Variants in DNAH17 observed in about 807,000 individuals in gnomAD.
DNAH17 encodes the protein axonemal beta dynein heavy chain 17.
Under a neutral mutation model 485.6 loss-of-function variants are expected in DNAH17, and 376 were observed. The observed-to-expected ratio is 0.77, with a 90% confidence interval of 0.71 to 0.84. The LOEUF is 0.84. Among genes scored for constraint, DNAH17 ranks in the 40% least tolerant of loss-of-function variants. The pLI, the probability that DNAH17 is intolerant of heterozygous loss-of-function variation, is 0.00. For synonymous variants in DNAH17, 3,031 were observed against 2,405.9 expected, an observed-to-expected ratio of 1.26 and a Z score of -7.60; for missense variants, 6,370 against 5,839.3, an observed-to-expected ratio of 1.09 and a Z score of -2.96.
chr17:78,475,870 T>G (rs376801005), intron 52 of DNAH17, 37 bp from the exon 53 acceptor site: 40 of 1,603,434 alleles, frequency 2.5e-5, no homozygotes, highest in Non-Finnish European at 3.3e-5. Flanking sequence ...CTTCCGGTTT[T>G]TGCCACCATG....
chr17:78,446,849 G>C (rs1413487198), intron 69 of DNAH17, among the ~76,000 whole-genome samples: 1 of 152,054 alleles, frequency 6.6e-6, no homozygotes, highest in African/African-American at 2.4e-5. Flanking sequence ...TCACCGTGTT[G>C]GCCAGGCTGG....
Position 78,484,961 on chromosome 17 carries a change from T to C in DNAH17, c.7556A>G (p.Tyr2519Cys), listed in dbSNP as rs1250959741. Residue 2519 changes from tyrosine to cysteine, a missense_variant, in exon 48 of 81, where the codon TAC becomes TGC. Physicochemically the swap from Tyr to Cys is radical, Grantham distance 194 (BLOSUM62 -2). Transcript: ENST00000389840. ...YGPPGTKKLV[Y>C]FIDDMNMPEV... Reference sequence around the variant, plus strand: ...GGGCATGTTCATGTCGTCGATGAAGTAGACGAGCTTCTTAGTGCCTGGCGG... The same window carrying C: ...GGGCATGTTCATGTCGTCGATGAAGCAGACGAGCTTCTTAGTGCCTGGCGG... The C allele has an allele frequency of 6.2e-7, 1 of 1,613,120 alleles. No homozygotes were observed. The highest frequency in any genetic ancestry group is 8.5e-7 in the Non-Finnish European group (1 of 1,179,570).
intron 22 of DNAH17, among the ~76,000 whole-genome samples, chr17:78,527,909 G>A (rs1171716836): frequency 6.6e-6 from 1 of 152,098 alleles, no homozygotes; most frequent in Non-Finnish European, 1.5e-5. Context: ...CTCCCGAGCA[G>A]CTAGGATTAC....
intron 73 of DNAH17, 142 bp from the exon 74 acceptor site, chr17:78,438,010 A>ACC: frequency 3.3e-6 from 2 of 610,946 alleles, no homozygotes; most frequent in Non-Finnish European, 2.8e-6. Context: ...GCACTGCCCC[A>ACC]CCCCTCACCT....
rs2087703538 is a variant in DNAH17 at position 78,454,528 on chromosome 17, T to G, written c.10348A>C (p.Lys3450Gln). 1.2e-6 allele frequency: 2 copies of G among 1,613,574 alleles called. No homozygotes were observed. Among genetic ancestry groups the G allele is most frequent in the Non-Finnish European group, 1.7e-6 (2 of 1,179,860 alleles). ...LIVDAQLQGI[K>Q]WIKNKYRSEL... Reference sequence around the variant, plus strand: ...CTCCTGTATTTGTTTTTGATCCACTTGATTCCTTGGAGCTGGGCGTCCACG... The same window carrying G: ...CTCCTGTATTTGTTTTTGATCCACTGGATTCCTTGGAGCTGGGCGTCCACG... The change falls in exon 64 of 81, where the codon AAG becomes CAG. Residue 3450 changes from lysine to glutamine, a missense_variant. Physicochemically the swap from Lys to Gln is moderately conservative, Grantham distance 53. Coordinates refer to ENST00000389840, the MANE Select transcript of DNAH17 (RefSeq NM_173628.4).
rs562842253 is a variant in DNAH17, at chr17:78,490,998, T to TG, written c.6670-152dup. 2.9e-4 allele frequency among the ~76,000 whole-genome samples: 44 copies of TG among 152,264 alleles called. 1 individual carries two copies. The East Asian group carries it at 8.5e-3, about 29-fold the overall frequency. On this transcript the variant is annotated intron_variant, in intron 43 of 80. Coordinates refer to ENST00000389840, the MANE Select transcript of DNAH17 (RefSeq NM_173628.4). The stretch of plus-strand genomic sequence containing the variant: ...CCCCTGGCCCACAGCCCTAGTCCCT[T>TG]GGCCCAGGGCTTCTCTGCCTTCCCT...
At position 78,441,156 on chromosome 17, in the gene DNAH17, G is replaced by A. The variant is rs757713185; in HGVS notation, c.11572C>T (p.Arg3858Trp). The A allele has an allele frequency of 8.7e-6, 14 of 1,613,764 alleles. No homozygotes were observed. Among genetic ancestry groups the A allele is most frequent in the East Asian group, 2.2e-5 (1 of 44,896 alleles). ...EKMGSKFVEG[R>W]SVEFSKSYEE... ...TAGGACTTAGAAAACTCAACACTCC[G>A]GCCTTCCACGAACTTGCTGCCCATC... is the stretch of plus-strand genomic sequence containing the variant. The change falls in exon 72 of 81, where the codon CGG becomes TGG. Residue 3858 changes from arginine (R) to tryptophan (W), a missense_variant. Transcript: ENST00000389840.
chr17:78,485,456 G>T, intron 47 of DNAH17, 94 bp downstream of exon 47: 1 of 1,238,436 alleles, frequency 8.1e-7, no homozygotes, highest in Non-Finnish European at 1.1e-6. Context: ...AAAGTGGCTA[G>T]TGAGTGCCTG....
At chr17:78,522,625 G>A (rs1452146444) in intron 25 of DNAH17, 2 of 253,410 alleles carry the variant, frequency 7.9e-6, no homozygotes, top group Admixed American at 1.2e-4. Context: ...CTTCACCCAT[G>A]AGTGCCCAGG....
At chr17:78,535,177 G>A (rs562983363) in intron 19 of DNAH17, among the ~76,000 whole-genome samples, 10 of 152,208 alleles carry the variant, frequency 6.6e-5, no homozygotes, top group East Asian at 1.9e-4. Flanking sequence ...TGCAGCAACC[G>A]TGGGTGCCCA....
At chr17:78,430,307 G>A (rs1228282114) in intron 75 of DNAH17, among the ~76,000 whole-genome samples, 1 of 147,714 alleles carries the variant, frequency 6.8e-6, no homozygotes, top group East Asian at 1.9e-4. Context: ...ACATGTAATT[G>A]GGATAAAAAT....
intron 42 of DNAH17, among the ~76,000 whole-genome samples, chr17:78,491,844 G>A (rs377031007): frequency 9.9e-5 from 15 of 152,182 alleles, no homozygotes; most frequent in African/African-American, 3.4e-4. Flanking sequence ...GGCTGGCTCA[G>A]TTTTTCCAGG....
intron 11 of DNAH17, among the ~76,000 whole-genome samples, chr17:78,566,016 T>C (rs552255693): frequency 6.6e-6 from 1 of 151,842 alleles, no homozygotes; most frequent in Non-Finnish European, 1.5e-5. Context: ...AAACTAAAAA[T>C]AGAGACCCCA....
In DNAH17 at chr17:78,424,122, G is replaced by C. The variant is rs374179775; in HGVS notation, c.13173C>G (p.Ile4391Met). ...GARWDTQTGV[I>M]AEARLKELTP... Reference sequence around the variant, plus strand: ...TCAGCTCTTTCAGCCGCGCTTCAGCGATGACTCCAGTCTGGGTGTCCCAGC... The same window carrying C: ...TCAGCTCTTTCAGCCGCGCTTCAGCCATGACTCCAGTCTGGGTGTCCCAGC... The change falls in exon 81 of 81, where the codon ATC (isoleucine) becomes ATG (methionine). Residue 4391 changes from isoleucine to methionine, a missense_variant. Transcript: ENST00000389840. 10 of 1,613,158 alleles carry C rather than the reference G, an allele frequency of 6.2e-6. No individual in the cohort carries two copies. In the East Asian group the frequency reaches 2.0e-4, roughly 32 times the overall value.
chr17:78,424,257 G>A, intron 80 of DNAH17, 104 bp from the exon 81 acceptor site: 1 of 1,406,456 alleles, frequency 7.1e-7, no homozygotes, highest in Non-Finnish European at 9.4e-7. Flanking sequence ...TGCAGAGCTG[G>A]GCTCTACCCC....
chr17:78,548,175 CTGT>C (rs891941561), intron 16 of DNAH17, among the ~76,000 whole-genome samples: 4 of 133,376 alleles, frequency 3.0e-5, no homozygotes, highest in Middle Eastern at 3.8e-3. Context: ...AGTTCTCATT[CTGT>C]TGTTATTTCG....
At chr17:78,572,112 C>T (rs2143738693) in intron 3 of DNAH17, among the ~76,000 whole-genome samples, 1 of 152,276 alleles carries the variant, frequency 6.6e-6, no homozygotes, top group South Asian at 2.1e-4. Context: ...GGACATGGTG[C>T]TTGGGGCTTT....
At chr17:78,441,386 G>A (rs773084146) in intron 71 of DNAH17, among the ~76,000 whole-genome samples, 187 bp from the exon 72 acceptor site, 1 of 152,150 alleles carries the variant, frequency 6.6e-6, no homozygotes, top group Non-Finnish European at 1.5e-5. Flanking sequence ...GGCCTTGTTT[G>A]CCTCGGGCAC....
chr17:78,473,697 C>A (rs1344975178), intron 54 of DNAH17, among the ~76,000 whole-genome samples: 2 of 152,202 alleles, frequency 1.3e-5, no homozygotes, highest in African/African-American at 2.4e-5. Flanking sequence ...GCTGAGCACC[C>A]ACAATCAGCC....
Sources: gnomAD v4.1 joint callset for allele counts (sites outside exome capture counted in the v4.1 genomes callset) on GRCh38, gnomAD v4.1.1 for gene constraint, MANE v1.5 for transcripts, NCBI Gene and HGNC (gene_info 2026-07-23, HGNC 2026-07-21) for gene names.